KIAA1328: variants seen among roughly 807,000 people sequenced by gnomAD.
KIAA1328 encodes protein hinderin.
In KIAA1328, 52 loss-of-function variants were observed where a neutral mutation model predicts 68.1. The observed-to-expected ratio is 0.76, with a 90% CI of 0.61 to 0.96. The LOEUF (loss-of-function observed/expected upper bound fraction) is 0.96. KIAA1328 is among the 40% of genes least tolerant of loss of function. The pLI is 0.00. For missense variants in KIAA1328, 641 were observed against 677.6 expected (o/e 0.95, Z 0.60); for synonymous variants, 232 against 239.4 (o/e 0.97, Z 0.28).
chr18:36,996,705 T>G (rs2053405530), intron 6 of KIAA1328, among the ~76,000 whole-genome samples: 1 of 152,138 alleles, frequency 6.6e-6, no homozygotes, highest in Non-Finnish European at 1.5e-5. Context: ...CATTAACACT[T>G]GCAGATTGAG....
chr18:37,006,527 CT>C (rs887697079), intron 6 of KIAA1328, among the ~76,000 whole-genome samples: 26 of 151,672 alleles, frequency 1.7e-4, no homozygotes, highest in African/African-American at 4.6e-4. Context: ...TCTTCTGTGA[CT>C]TTTTTTTATT....
At chr18:36,957,172 G>T (rs1278945913) in intron 5 of KIAA1328, among the ~76,000 whole-genome samples, 1 of 152,142 alleles carries the variant, frequency 6.6e-6, no homozygotes, top group Non-Finnish European at 1.5e-5. Context: ...CTGCCCCGAA[G>T]CAATGATTAG....
intron 6 of KIAA1328, among the ~76,000 whole-genome samples, chr18:37,062,818 T>TG (rs763554114): frequency 2.6e-5 from 4 of 152,192 alleles, no homozygotes; most frequent in Admixed American, 6.5e-5. Flanking sequence ...GGTGTTTTAC[T>TG]GGTGAGCAAC....
chr18:37,048,117 T>G lies in KIAA1328; in HGVS notation c.577-18773T>G, dbSNP rs530498734. On this transcript the variant is annotated intron_variant, in intron 6 of 9. Coordinates refer to ENST00000280020, the MANE Select transcript of KIAA1328 (RefSeq NM_020776.3). ...TGTCCAGCATCTTAATCCTTTCTTT[T>G]CCCATTTGGTACTAGAGCAGCACTC... Among the ~76,000 whole-genome samples the G allele has an allele frequency of 2.3e-4, 35 of 152,308 alleles. 1 individual carries two copies. The highest frequency in any genetic ancestry group is 3.8e-4 in the Non-Finnish European group (26 of 68,024).
At chr18:37,048,815 C>T (rs1044564530) in intron 6 of KIAA1328, among the ~76,000 whole-genome samples, 1 of 152,154 alleles carries the variant, frequency 6.6e-6, no homozygotes, top group Non-Finnish European at 1.5e-5. Flanking sequence ...ACACTAAATA[C>T]ATTTTAAGAT....
At chr18:37,065,740 C>T (rs1245470829) in intron 6 of KIAA1328, among the ~76,000 whole-genome samples, 2 of 152,174 alleles carry the variant, frequency 1.3e-5, no homozygotes, top group African/African-American at 2.4e-5. Flanking sequence ...CAAGTGTCTA[C>T]CTTCATGGGC....
At chr18:36,964,585 A>AT (rs970652745) in intron 6 of KIAA1328, among the ~76,000 whole-genome samples, 14 of 151,980 alleles carry the variant, frequency 9.2e-5, no homozygotes, top group South Asian at 2.1e-4. Context: ...TTACAAGGTG[A>AT]TTTTTTTTCT....
intron 9 of KIAA1328, among the ~76,000 whole-genome samples, chr18:37,213,038 C>T (rs899913029): frequency 6.6e-6 from 1 of 152,160 alleles, no homozygotes; most frequent in African/African-American, 2.4e-5. Context: ...CTGTGCCCAG[C>T]CCAAACTCAT....
At chr18:37,035,804 C>T (rs2055003221) in intron 6 of KIAA1328, among the ~76,000 whole-genome samples, 1 of 152,108 alleles carries the variant, frequency 6.6e-6, no homozygotes, top group African/African-American at 2.4e-5. Flanking sequence ...TAAAAGAGTC[C>T]TTTAAGCTTA....
intron 6 of KIAA1328, among the ~76,000 whole-genome samples, chr18:37,053,658 G>C (rs928485515): frequency 6.6e-6 from 1 of 152,078 alleles, no homozygotes; most frequent in Non-Finnish European, 1.5e-5. Context: ...CACATGGCTT[G>C]GTAGGCCTCC....
At chr18:37,214,435 G>A (rs1171876104) in intron 9 of KIAA1328, among the ~76,000 whole-genome samples, 1 of 152,142 alleles carries the variant, frequency 6.6e-6, no homozygotes, top group Non-Finnish European at 1.5e-5. Context: ...GTTTTTGTCA[G>A]GTTTGTCAAA....
At chr18:37,175,014 A>G (rs891580843) in intron 9 of KIAA1328, among the ~76,000 whole-genome samples, 3 of 152,056 alleles carry the variant, frequency 2.0e-5, no homozygotes, top group African/African-American at 7.2e-5. Flanking sequence ...CATTCTTCCA[A>G]AGATCCACAA....
At chr18:37,039,247 C>T (rs1401625361) in intron 6 of KIAA1328, among the ~76,000 whole-genome samples, 1 of 151,554 alleles carries the variant, frequency 6.6e-6, no homozygotes, top group African/African-American at 2.4e-5. Context: ...AGTATTTCCT[C>T]CTCTATTTTC....
chr18:37,210,678 C>T (rs936863780), intron 9 of KIAA1328, among the ~76,000 whole-genome samples: 1 of 152,208 alleles, frequency 6.6e-6, no homozygotes, highest in African/African-American at 2.4e-5. Flanking sequence ...AAACACACTG[C>T]TCACAGAAGA....
chr18:37,109,582 G>T lies in KIAA1328; in HGVS notation c.1232+42037G>T, dbSNP rs1237698710. Reference sequence around the variant, plus strand: ...TTTTCCTAGGGCATGACTTATATGTGTATGAAAGTAGGGGTTAGAAAGCAT... The same window carrying T: ...TTTTCCTAGGGCATGACTTATATGTTTATGAAAGTAGGGGTTAGAAAGCAT... On this transcript the variant is annotated intron_variant, in intron 7 of 9. Transcript: ENST00000280020. Among the ~76,000 whole-genome samples the T allele has an allele frequency of 2.6e-5, 4 of 152,236 alleles. No individual in the cohort carries two copies. In the East Asian group the frequency reaches 5.8e-4, roughly 22 times the overall value.
intron 4 of KIAA1328, among the ~76,000 whole-genome samples, chr18:36,884,238 T>C (rs937611221): frequency 2.6e-5 from 4 of 152,132 alleles, no homozygotes; most frequent in African/African-American, 9.7e-5. Flanking sequence ...ATTCTCTTCA[T>C]GTGTATGTAT....
chr18:37,101,918 G>A (rs2057630789), intron 7 of KIAA1328, among the ~76,000 whole-genome samples: 1 of 152,060 alleles, frequency 6.6e-6, no homozygotes, highest in African/African-American at 2.4e-5. Flanking sequence ...GCCAAACTAA[G>A]CTTCATAAGT....
intron 7 of KIAA1328, among the ~76,000 whole-genome samples, chr18:37,090,008 C>T (rs929644947): frequency 6.6e-6 from 1 of 152,120 alleles, no homozygotes; most frequent in Non-Finnish European, 1.5e-5. Flanking sequence ...TCATTAAGGC[C>T]TCACTTATTA....
Position 37,090,716 on chromosome 18 carries a change from A to G in KIAA1328, c.1232+23171A>G, listed in dbSNP as rs543215435. Among the ~76,000 whole-genome samples, 155 of 152,334 alleles carry G rather than the reference A, an allele frequency of 1.0e-3. 2 individuals carry two copies. The highest frequency in any genetic ancestry group is 3.7e-3 in the African/African-American group (153 of 41,576). On this transcript the variant is annotated intron_variant, in intron 7 of 9. Transcript: ENST00000280020. ...GTATATGGTCTTCTCAGAGGCATTT[A>G]GGACATTTTTTTGGAAGCAAGTGTA...
Sources: gnomAD v4.1 joint callset for allele counts (sites outside exome capture counted in the v4.1 genomes callset) on GRCh38, gnomAD v4.1.1 for gene constraint, MANE v1.5 for transcripts, NCBI Gene and HGNC (gene_info 2026-07-23, HGNC 2026-07-21) for gene names.